Variants in PIEZO2 observed in about 807,000 individuals in gnomAD.
PIEZO2 encodes piezo-type mechanosensitive ion channel component 2.
PIEZO2 carries 172 observed loss-of-function variants against 337.3 expected under a neutral mutation model. The ratio of observed to expected loss-of-function variants is 0.51; its 90% CI spans 0.45 to 0.58. The LOEUF is 0.58. PIEZO2 is among the 20% of genes least tolerant of loss of function. PIEZO2 has a pLI of 0.00. For missense variants in PIEZO2, 3,028 were observed against 3,391.3 expected (o/e 0.89, Z 2.66); for synonymous variants, 1,251 against 1,228.5 (o/e 1.02, Z -0.38).
intron 48 of PIEZO2, 66 bp from the exon 49 acceptor site, chr18:10,689,868 G>C (rs2034724888): frequency 1.3e-6 from 2 of 1,537,482 alleles, no homozygotes; most frequent in East Asian, 4.6e-5. Context: ...GCTCACCCAG[G>C]AGCTCAAGCA....
Position 10,863,568 on chromosome 18 carries a change from G to A in PIEZO2, c.493-6357C>T, listed in dbSNP as rs1050427361. On this transcript the variant is annotated intron_variant, in intron 5 of 55. Transcript: ENST00000674853. This position sits in a 1 kb window ranked among gnomAD's most constrained non-coding sequence, Gnocchi z 4.3. Reference sequence around the variant, plus strand: ...TGGCCAGTTAGACCAATGCCTAAAGGATCTGTGGAGCTTTGAAAAAACTAG... The same window carrying A: ...TGGCCAGTTAGACCAATGCCTAAAGAATCTGTGGAGCTTTGAAAAAACTAG... 6.6e-6 allele frequency among the ~76,000 whole-genome samples: 1 copy of A among 152,270 alleles called. No homozygotes were observed. Among genetic ancestry groups the A allele is most frequent in the African/African-American group, 2.4e-5 (1 of 41,548 alleles).
intron 2 of PIEZO2, among the ~76,000 whole-genome samples, chr18:11,020,880 T>C (rs1598839568): frequency 6.6e-6 from 1 of 152,354 alleles, no homozygotes; most frequent in East Asian, 1.9e-4. Flanking sequence ...CTTAAAGTTA[T>C]TTCTTAATTA....
At chr18:10,968,142 A>T (rs1346638777) in intron 3 of PIEZO2, among the ~76,000 whole-genome samples, 1 of 152,094 alleles carries the variant, frequency 6.6e-6, no homozygotes, top group African/African-American at 2.4e-5. Flanking sequence ...AAGAGATGAG[A>T]ATCCAGTTTC....
chr18:10,793,800 G>C (rs1028347700), intron 13 of PIEZO2, among the ~76,000 whole-genome samples: 3 of 152,086 alleles, frequency 2.0e-5, no homozygotes, highest in African/African-American at 7.2e-5. Flanking sequence ...CATTCCCTTG[G>C]TCCATGAACA....
Position 10,934,415 on chromosome 18 carries a change from G to A in PIEZO2, c.287-23187C>T, listed in dbSNP as rs538441424. 7.2e-5 allele frequency among the ~76,000 whole-genome samples: 11 copies of A among 152,268 alleles called. No homozygotes were observed. In the South Asian group the frequency reaches 2.3e-3, roughly 32 times the overall value. On this transcript the variant is annotated intron_variant, in intron 3 of 55. Transcript: ENST00000674853. ...TCAGGTGCACATTCATACTCCTGCG[G>A]CTCTCATGGCGAGCAAAATTCAGTG...
chr18:10,742,656 C>G, intron 31 of PIEZO2, 41 bp from the exon 32 acceptor site: 1 of 1,532,232 alleles, frequency 6.5e-7, no homozygotes, highest in East Asian at 2.4e-5. Flanking sequence ...AGAACATATT[C>G]ATTGTTCTCA....
intron 4 of PIEZO2, among the ~76,000 whole-genome samples, chr18:10,880,863 A>ATC (rs1401056476): frequency 5.0e-5 from 2 of 39,976 alleles, no homozygotes; most frequent in African/African-American, 2.0e-4. Context: ...ATATATATAT[A>ATC]TATATATATA....
chr18:10,740,360 G>C (rs977446106), intron 33 of PIEZO2: 5 of 152,338 alleles, frequency 3.3e-5, no homozygotes, highest in African/African-American at 1.2e-4. Flanking sequence ...TTCATTGGTC[G>C]TCTCTGAGCA....
intron 2 of PIEZO2, among the ~76,000 whole-genome samples, chr18:11,008,960 A>G (rs1486585247): frequency 6.6e-6 from 1 of 152,238 alleles, no homozygotes; most frequent in Non-Finnish European, 1.5e-5. Context: ...GATTAATTCA[A>G]TAGGGGAAAC....
chr18:10,878,892 G>A lies in PIEZO2; in HGVS notation c.330-7477C>T, dbSNP rs1342921785. 6.6e-6 allele frequency among the ~76,000 whole-genome samples: 1 copy of A among 152,190 alleles called. No individual in the cohort carries two copies. Among genetic ancestry groups the A allele is most frequent in the Non-Finnish European group, 1.5e-5 (1 of 68,028 alleles). On this transcript the variant is annotated intron_variant, in intron 4 of 55. Transcript: ENST00000674853. The surrounding 1 kb of genome is among the most constrained non-coding windows in gnomAD (Gnocchi z 4.3). ...AGGAGAAACAGTGACGTGGCTGCTG[G>A]TAGTGCAGGTGGTGTTTTCACAATG... is the stretch of plus-strand genomic sequence containing the variant.
At chr18:10,684,444 C>A (rs1258443133) in intron 49 of PIEZO2, among the ~76,000 whole-genome samples, 4 of 143,406 alleles carry the variant, frequency 2.8e-5, no homozygotes, top group Admixed American at 7.3e-5. Context: ...GGATTACAAG[C>A]GTGAACCACT....
At chr18:10,725,344 G>T (rs371063813) in intron 36 of PIEZO2, 8 of 1,605,502 alleles carry the variant, frequency 5.0e-6, no homozygotes, top group Admixed American at 3.3e-5. Context: ...GTGCAGCTGA[G>T]TGAAGACCTG....
At chr18:11,043,623 T>A (rs894411711) in intron 2 of PIEZO2, among the ~76,000 whole-genome samples, 13 of 151,808 alleles carry the variant, frequency 8.6e-5, no homozygotes, top group Admixed American at 2.0e-4. Context: ...AAAAGAATCA[T>A]GAAATCTACT....
intron 36 of PIEZO2, among the ~76,000 whole-genome samples, chr18:10,720,212 A>G (rs994807066): frequency 6.9e-6 from 1 of 145,784 alleles, no homozygotes; most frequent in African/African-American, 2.6e-5. Context: ...ATATATGTAT[A>G]TATGAATATA....
intron 2 of PIEZO2, among the ~76,000 whole-genome samples, chr18:11,010,885 A>ATTC (rs2035873733): frequency 6.6e-6 from 1 of 152,232 alleles, no homozygotes; most frequent in Non-Finnish European, 1.5e-5. Context: ...TAATTATATT[A>ATTC]GTGTATGCTT....
chr18:11,073,821 A>G (rs2038428987), intron 1 of PIEZO2, among the ~76,000 whole-genome samples: 1 of 151,340 alleles, frequency 6.6e-6, no homozygotes, highest in Non-Finnish European at 1.5e-5. Context: ...TCAAGCTAGA[A>G]ACGACTTAGA....
chr18:10,675,030 C>G (rs182696411), intron 54 of PIEZO2, among the ~76,000 whole-genome samples, 179 bp downstream of exon 54: 97 of 152,236 alleles, frequency 6.4e-4, no homozygotes, highest in East Asian at 3.3e-3. Flanking sequence ...GAATGTGGGT[C>G]CCAGGTGAGT....
chr18:10,963,840 C>T (rs1406382676), intron 3 of PIEZO2, among the ~76,000 whole-genome samples: 2 of 152,156 alleles, frequency 1.3e-5, no homozygotes, highest in Non-Finnish European at 2.9e-5. Context: ...CCTGTATTTT[C>T]CACTTGAATT....
intron 2 of PIEZO2, among the ~76,000 whole-genome samples, chr18:10,999,908 C>T (rs552857000): frequency 1.3e-5 from 2 of 152,010 alleles, no homozygotes; most frequent in South Asian, 2.1e-4. Context: ...GCTGGGACTT[C>T]GAAATAAACT....
Sources: allele counts gnomAD v4.1 joint callset (sites outside exome capture counted in the v4.1 genomes callset), GRCh38; gene constraint gnomAD v4.1.1; non-coding constraint Gnocchi (gnomAD v3.1); transcripts MANE v1.5; gene names NCBI Gene and HGNC (gene_info 2026-07-23, HGNC 2026-07-21).